GABRA2: variants seen among roughly 807,000 people sequenced by gnomAD.
GABRA2 encodes gamma-aminobutyric acid receptor subunit alpha-2.
In GABRA2, 16 loss-of-function variants were observed where a neutral mutation model predicts 48.7. The observed-to-expected ratio is 0.33, with a 90% CI of 0.22 to 0.50. The LOEUF (loss-of-function observed/expected upper bound fraction) is 0.50, where lower values mean the gene tolerates loss of function less well. Ranked by LOEUF, GABRA2 falls within the 20% of genes least tolerant of loss-of-function variation. The pLI is 0.98. For missense variants in GABRA2, 275 were observed against 535.6 expected (o/e 0.51, Z 4.80); for synonymous variants, 185 against 184.5 (o/e 1.00, Z -0.02).
intron 8 of GABRA2, among the ~76,000 whole-genome samples, chr4:46,280,356 T>A (rs1353173593): frequency 2.0e-5 from 3 of 151,992 alleles, no homozygotes; most frequent in Admixed American, 2.0e-4. Flanking sequence ...GAAACAAAGC[T>A]GATAGGTGAA....
At chr4:46,378,932 A>C in intron 3 of GABRA2, among the ~76,000 whole-genome samples, 1 of 152,280 alleles carries the variant, frequency 6.6e-6, no homozygotes, top group East Asian at 1.9e-4. Flanking sequence ...GCTTCTATCT[A>C]ATATAATACA....
chr4:46,297,261 A>G (rs1319662165), intron 8 of GABRA2, among the ~76,000 whole-genome samples: 2 of 151,902 alleles, frequency 1.3e-5, no homozygotes, highest in East Asian at 1.9e-4. Flanking sequence ...CAGTGCAGCC[A>G]GAATATAAAG....
At chr4:46,321,354 G>GT (rs1231337119) in intron 4 of GABRA2, among the ~76,000 whole-genome samples, 1 of 151,908 alleles carries the variant, frequency 6.6e-6, no homozygotes, top group African/African-American at 2.4e-5. Flanking sequence ...TACTGGAAAT[G>GT]TAAGTGCTCT....
At chr4:46,304,199 C>T (rs1296857697) in intron 7 of GABRA2, among the ~76,000 whole-genome samples, 1 of 152,078 alleles carries the variant, frequency 6.6e-6, no homozygotes, top group Non-Finnish European at 1.5e-5. Context: ...TGGTATAAAC[C>T]TCGTCTCTGT....
At chr4:46,336,255 C>G (rs974387874) in intron 3 of GABRA2, among the ~76,000 whole-genome samples, 4 of 152,154 alleles carry the variant, frequency 2.6e-5, no homozygotes, top group Admixed American at 6.6e-5. Context: ...ATAGCTGTTA[C>G]TAGTCATGAG....
At chr4:46,373,593 C>A (rs1456858115) in intron 3 of GABRA2, among the ~76,000 whole-genome samples, 1 of 152,024 alleles carries the variant, frequency 6.6e-6, no homozygotes, top group East Asian at 1.9e-4. Flanking sequence ...TATCTCTGAT[C>A]CTGCAACTCT....
chr4:46,278,086 A>C (rs1720841669), intron 8 of GABRA2, among the ~76,000 whole-genome samples: 1 of 152,132 alleles, frequency 6.6e-6, no homozygotes, highest in African/African-American at 2.4e-5. Flanking sequence ...AAGTAGTTGA[A>C]ACTTTTTAGT....
chr4:46,304,923 CAA>C (rs34292975), intron 7 of GABRA2, among the ~76,000 whole-genome samples: 98 of 80,632 alleles, frequency 1.2e-3, no homozygotes, highest in African/African-American at 4.4e-3. Context: ...GACTCTGTCT[CAA>C]AAAAAAAAAA....
chr4:46,310,148 C>CT, intron 6 of GABRA2, 25 bp downstream of exon 6: 1 of 1,578,266 alleles, frequency 6.3e-7, no homozygotes, highest in Non-Finnish European at 8.7e-7. Flanking sequence ...TGACCCAAAA[C>CT]ATGTAACTTC....
intron 3 of GABRA2, among the ~76,000 whole-genome samples, chr4:46,377,156 C>T (rs1000991369): frequency 6.6e-6 from 1 of 151,888 alleles, no homozygotes; most frequent in South Asian, 2.1e-4. Context: ...CCGGCCGCCA[C>T]CCCGTCTGGG....
intron 3 of GABRA2, among the ~76,000 whole-genome samples, chr4:46,374,835 A>G (rs1715446999): frequency 7.2e-6 from 1 of 139,450 alleles, no homozygotes. Context: ...ATGCTTCTAT[A>G]CAAAAAAAAA....
intron 8 of GABRA2, among the ~76,000 whole-genome samples, chr4:46,302,875 G>C (rs897706145): frequency 1.2e-4 from 18 of 152,052 alleles, no homozygotes; most frequent in African/African-American, 3.9e-4. Context: ...CTTCTTGGGA[G>C]GTACCTATTC....
At chr4:46,294,250 C>T (rs1244655761) in intron 8 of GABRA2, among the ~76,000 whole-genome samples, 1 of 152,196 alleles carries the variant, frequency 6.6e-6, no homozygotes, top group African/African-American at 2.4e-5. Flanking sequence ...CAAGAAGTAG[C>T]AAATACACTG....
intron 3 of GABRA2, among the ~76,000 whole-genome samples, chr4:46,354,918 T>G (rs961156026): frequency 4.0e-5 from 6 of 151,130 alleles, no homozygotes; most frequent in Non-Finnish European, 7.3e-5. Flanking sequence ...GTGTCATGGC[T>G]GGCTCCACCT....
intron 8 of GABRA2, among the ~76,000 whole-genome samples, chr4:46,270,054 G>A (rs999542787): frequency 1.8e-4 from 28 of 151,906 alleles, no homozygotes; most frequent in African/African-American, 4.8e-4. Context: ...ATGGCAAACC[G>A]TAAGTTGAAA....
chr4:46,284,100 G>A (rs964104832), intron 8 of GABRA2, among the ~76,000 whole-genome samples: 1 of 149,596 alleles, frequency 6.7e-6, no homozygotes, highest in Middle Eastern at 3.5e-3. Flanking sequence ...AAAAAACTCT[G>A]TTATATACTC....
At chr4:46,357,878 T>C (rs915537504) in intron 3 of GABRA2, among the ~76,000 whole-genome samples, 20 of 152,000 alleles carry the variant, frequency 1.3e-4, no homozygotes, top group African/African-American at 4.8e-4. Flanking sequence ...CAGGATGGTC[T>C]CAATCTCTTG....
At chr4:46,310,543 A>G (rs1727467972) in intron 5 of GABRA2, among the ~76,000 whole-genome samples, 1 of 152,160 alleles carries the variant, frequency 6.6e-6, no homozygotes, top group South Asian at 2.1e-4. Context: ...CTCCTTTCTC[A>G]TTAAGCTCAC....
At chr4:46,388,378 A>T (rs1323759387) in intron 2 of GABRA2, among the ~76,000 whole-genome samples, 1 of 152,238 alleles carries the variant, frequency 6.6e-6, no homozygotes, top group Non-Finnish European at 1.5e-5. Context: ...TTGTAGGAAT[A>T]TGCCATTGAA....
Sources: allele counts gnomAD v4.1 joint callset (sites outside exome capture counted in the v4.1 genomes callset), GRCh38; gene constraint gnomAD v4.1.1; transcripts MANE v1.5; gene names NCBI Gene and HGNC (gene_info 2026-07-23, HGNC 2026-07-21).